OPCML: variants seen among roughly 807,000 people sequenced by gnomAD.
OPCML encodes opioid-binding protein/cell adhesion molecule.
In OPCML, 13 loss-of-function variants were observed where a neutral mutation model predicts 37.8. The ratio of observed to expected loss-of-function variants is 0.34; its 90% CI spans 0.22 to 0.55. The LOEUF (loss-of-function observed/expected upper bound fraction) is 0.55, where lower values mean the gene tolerates loss of function less well. OPCML is among the 20% of genes least tolerant of loss of function. The pLI, the probability that OPCML is intolerant of heterozygous loss-of-function variation, is 0.91. For synonymous variants in OPCML, 176 were observed against 168.8 expected (o/e 1.04, Z -0.33); for missense variants, 341 against 435.6 (o/e 0.78, Z 1.93).
intron 2 of OPCML, among the ~76,000 whole-genome samples, chr11:132,668,618 T>C (rs1296238136): frequency 6.6e-6 from 1 of 152,210 alleles, no homozygotes; most frequent in African/African-American, 2.4e-5. Flanking sequence ...AGCTCTATGA[T>C]CTAAGAGTGC....
chr11:133,426,131 A>C (rs1224913772), intron 1 of OPCML, among the ~76,000 whole-genome samples: 3 of 152,150 alleles, frequency 2.0e-5, no homozygotes, highest in Non-Finnish European at 4.4e-5. Flanking sequence ...GTGTCTGCTT[A>C]CTTCTTGCTC....
intron 2 of OPCML, among the ~76,000 whole-genome samples, chr11:132,722,523 G>A (rs921455984): frequency 6.6e-6 from 1 of 152,088 alleles, no homozygotes; most frequent in African/African-American, 2.4e-5. Flanking sequence ...AGCTGAGCTG[G>A]ACAAGTTGTG....
At chr11:132,467,209 C>A (rs138910493) in intron 4 of OPCML, among the ~76,000 whole-genome samples, 1 of 152,098 alleles carries the variant, frequency 6.6e-6, no homozygotes, top group Non-Finnish European at 1.5e-5. Context: ...GCAGGAATGA[C>A]GCCTTGGACA....
chr11:133,416,201 T>C (rs1945760619), intron 1 of OPCML, among the ~76,000 whole-genome samples: 2 of 151,512 alleles, frequency 1.3e-5, no homozygotes, highest in South Asian at 4.2e-4. Flanking sequence ...AAAAAAAAAC[T>C]GATCTTCCCA....
intron 1 of OPCML, among the ~76,000 whole-genome samples, chr11:133,529,104 G>A (rs1948548789): frequency 6.6e-6 from 1 of 152,152 alleles, no homozygotes; most frequent in Non-Finnish European, 1.5e-5. Flanking sequence ...GAAGAAGACA[G>A]GTTTTGACTC....
At chr11:132,586,188 A>G (rs2096472241) in intron 3 of OPCML, among the ~76,000 whole-genome samples, 1 of 152,202 alleles carries the variant, frequency 6.6e-6, no homozygotes, top group Admixed American at 6.5e-5. Context: ...CGGGAAGCCC[A>G]AGTGGAAATC....
At chr11:133,076,201 G>A (rs1591978394) in intron 1 of OPCML, among the ~76,000 whole-genome samples, 1 of 151,928 alleles carries the variant, frequency 6.6e-6, no homozygotes, top group East Asian at 1.9e-4. Flanking sequence ...TTGTAGACAC[G>A]CTTTCAAGGC....
At chr11:133,190,853 G>A (rs943667419) in intron 1 of OPCML, among the ~76,000 whole-genome samples, 4 of 151,898 alleles carry the variant, frequency 2.6e-5, no homozygotes, top group African/African-American at 9.7e-5. Flanking sequence ...TCATTATATG[G>A]CTTGACTATA....
intron 1 of OPCML, among the ~76,000 whole-genome samples, chr11:133,029,511 C>T (rs185956022): frequency 1.3e-5 from 2 of 152,290 alleles, no homozygotes; most frequent in East Asian, 1.9e-4. Context: ...AGATGTGCTA[C>T]ATATACACCA....
intron 2 of OPCML, among the ~76,000 whole-genome samples, chr11:132,730,212 C>A (rs570533693): frequency 1.3e-5 from 2 of 151,916 alleles, no homozygotes; most frequent in South Asian, 4.2e-4. Context: ...GATTTCTATG[C>A]AGCCTAACTA....
In OPCML at chr11:132,769,444, C is replaced by T. The variant is rs191713531; in HGVS notation, c.147-112125G>A. ...GGAGCCTCAGTAAGGGGTCACTGAA[C>T]TCCAGAACCACACTCACTCAACAAG... On this transcript the variant is annotated intron_variant, in intron 2 of 7. Transcript: ENST00000524381. Among the ~76,000 whole-genome samples, 86 of 152,244 alleles carry T rather than the reference C, an allele frequency of 5.6e-4. 1 individual carries two copies. Among genetic ancestry groups the T allele is most frequent in the African/African-American group, 2.0e-3 (82 of 41,558 alleles).
chr11:132,910,397 C>T (rs544439517), intron 2 of OPCML, among the ~76,000 whole-genome samples: 2 of 152,318 alleles, frequency 1.3e-5, no homozygotes, highest in East Asian at 1.9e-4. Context: ...ATTACACGGC[C>T]GAGAGTCTCA....
intron 4 of OPCML, among the ~76,000 whole-genome samples, chr11:132,458,448 A>T (rs180975030): frequency 3.9e-5 from 6 of 152,300 alleles, no homozygotes; most frequent in South Asian, 2.1e-4. Context: ...GTCTTGCATG[A>T]TTGCTGTGAG....
At chr11:132,930,338 T>A (rs1198600294) in intron 2 of OPCML, among the ~76,000 whole-genome samples, 3 of 152,044 alleles carry the variant, frequency 2.0e-5, no homozygotes, top group Non-Finnish European at 2.9e-5. Context: ...CACTCCAGCC[T>A]GTGTGACAGG....
chr11:133,246,920 A>G (rs1464540179), intron 1 of OPCML, among the ~76,000 whole-genome samples: 2 of 152,210 alleles, frequency 1.3e-5, no homozygotes, highest in Admixed American at 1.3e-4. Context: ...AAGAACAAGA[A>G]TGAGCAGTGG....
At chr11:132,882,582 G>T (rs1276093241) in intron 2 of OPCML, among the ~76,000 whole-genome samples, 2 of 152,060 alleles carry the variant, frequency 1.3e-5, no homozygotes, top group Non-Finnish European at 2.9e-5. Context: ...TTTATCTCAC[G>T]GGACGTATAT....
At chr11:133,289,853 C>A (rs905692113) in intron 1 of OPCML, among the ~76,000 whole-genome samples, 2 of 150,166 alleles carry the variant, frequency 1.3e-5, no homozygotes, top group Admixed American at 1.3e-4. Flanking sequence ...AACCCTCTCT[C>A]CTCATCATAT....
At chr11:132,650,499 T>G (rs2135748564) in intron 3 of OPCML, among the ~76,000 whole-genome samples, 1 of 152,318 alleles carries the variant, frequency 6.6e-6, no homozygotes, top group African/African-American at 2.4e-5. Context: ...TAATTTTGGC[T>G]GTGTGCTTTA....
chr11:132,707,092 A>T (rs1944063831), intron 2 of OPCML, among the ~76,000 whole-genome samples: 1 of 152,226 alleles, frequency 6.6e-6, no homozygotes, highest in Non-Finnish European at 1.5e-5. Context: ...TGAAATAGCC[A>T]GATGATAAAA....
Sources: allele counts gnomAD v4.1 joint callset (sites outside exome capture counted in the v4.1 genomes callset), GRCh38; gene constraint gnomAD v4.1.1; transcripts MANE v1.5; gene names NCBI Gene and HGNC (gene_info 2026-07-23, HGNC 2026-07-21).